TMEM178B: variants seen among roughly 807,000 people sequenced by gnomAD.
TMEM178B encodes the protein transmembrane protein 178B.
Under a neutral mutation model 31.0 loss-of-function variants are expected in TMEM178B, and 5 were observed. The ratio of observed to expected loss-of-function variants is 0.16; its 90% CI spans 0.08 to 0.34. The LOEUF (loss-of-function observed/expected upper bound fraction) is 0.34. Among genes scored for constraint, TMEM178B ranks in the 10% least tolerant of loss-of-function variants. The pLI, the probability that TMEM178B is intolerant of heterozygous loss-of-function variation, is 1.00. For synonymous variants in TMEM178B, 164 were observed against 164.0 expected (o/e 1.00, Z 0.00); for missense variants, 275 against 400.3 (o/e 0.69, Z 2.67).
At chr7:141,180,232 G>A (rs535719396) in intron 1 of TMEM178B, among the ~76,000 whole-genome samples, 1 of 152,216 alleles carries the variant, frequency 6.6e-6, no homozygotes, top group Admixed American at 6.5e-5. Context: ...TATAATTCCA[G>A]CACAGGCTGA....
chr7:141,230,190 A>T (rs1420905104), intron 2 of TMEM178B, among the ~76,000 whole-genome samples: 1 of 152,162 alleles, frequency 6.6e-6, no homozygotes, highest in Non-Finnish European at 1.5e-5. Context: ...TAAATCTTTG[A>T]TCATATTTCT....
chr7:141,510,709 A>AAG, the TMEM178B span, among the ~76,000 whole-genome samples: 2 of 134,954 alleles, frequency 1.5e-5, no homozygotes, highest in East Asian at 2.0e-4. Flanking sequence ...AAAAAAAAAA[A>AAG]AAAGAAAAAA....
chr7:141,489,391 C>T, the TMEM178B span, among the ~76,000 whole-genome samples: 1 of 152,214 alleles, frequency 6.6e-6, no homozygotes, highest in South Asian at 2.1e-4. Context: ...CTGCCAATAG[C>T]TAAGCTGCCG....
At chr7:141,180,148 G>A (rs1192957619) in intron 1 of TMEM178B, among the ~76,000 whole-genome samples, 1 of 152,288 alleles carries the variant, frequency 6.6e-6, no homozygotes, top group East Asian at 1.9e-4. Flanking sequence ...ATGGTAGAGG[G>A]GGAGAATTGA....
At chr7:141,205,977 A>G (rs1239241344) in intron 1 of TMEM178B, among the ~76,000 whole-genome samples, 1 of 152,198 alleles carries the variant, frequency 6.6e-6, no homozygotes, top group Non-Finnish European at 1.5e-5. Flanking sequence ...TCCTGGGGCT[A>G]CTGTGTGGGA....
chr7:141,213,498 G>A (rs554608915), intron 2 of TMEM178B, among the ~76,000 whole-genome samples: 1 of 152,292 alleles, frequency 6.6e-6, no homozygotes, highest in South Asian at 2.1e-4. Context: ...CTGTTGATTT[G>A]TCATGCATTC....
intron 1 of TMEM178B, among the ~76,000 whole-genome samples, chr7:141,188,472 C>T (rs946331314): frequency 1.1e-4 from 17 of 152,162 alleles, no homozygotes; most frequent in Non-Finnish European, 1.6e-4. Context: ...CGTAACTGCT[C>T]TTATTGGATG....
intron 2 of TMEM178B, among the ~76,000 whole-genome samples, chr7:141,319,175 G>A (rs914610069): frequency 2.0e-5 from 3 of 152,150 alleles, no homozygotes; most frequent in South Asian, 2.1e-4. Flanking sequence ...GGCTTTTAAC[G>A]ACCTGTCTCA....
rs77161957 is a variant in TMEM178B at position 141,388,543 on chromosome 7, A to G, written c.497-49065A>G. Among the ~76,000 whole-genome samples, 483 of 152,290 alleles carry G rather than the reference A, an allele frequency of 3.2e-3. 12 individuals carry two copies. The East Asian group carries it at 0.064, about 20-fold the overall frequency. ...TGAGGTTGTTTTGCTCCCCTCCCTC[A>G]GCCTCCACACCCATTCCTGCCCGTC... is the stretch of plus-strand genomic sequence containing the variant. On this transcript the variant is annotated intron_variant, in intron 2 of 3. Coordinates refer to ENST00000565468, the MANE Select transcript of TMEM178B (RefSeq NM_001195278.2).
chr7:141,205,820 G>A (rs1187251868), intron 1 of TMEM178B, among the ~76,000 whole-genome samples: 2 of 152,168 alleles, frequency 1.3e-5, no homozygotes, highest in African/African-American at 4.8e-5. Flanking sequence ...GCTGATACAT[G>A]TGGGAGAAAA....
rs565120110 is a variant in TMEM178B, at chr7:141,408,621, G to GATGAATGA, written c.497-28970_497-28963dup. On this transcript the variant is annotated intron_variant, in intron 2 of 3. Coordinates refer to ENST00000565468, the MANE Select transcript of TMEM178B (RefSeq NM_001195278.2). ...TGGAGCTTGCATATGTGAGTGAGTG[G>GATGAATGA]ATGAATGAATGAATGAATGAATGAG... 7.2e-5 allele frequency among the ~76,000 whole-genome samples: 11 copies of GATGAATGA among 152,186 alleles called. 1 individual carries two copies. The East Asian group carries it at 2.1e-3, about 29-fold the overall frequency.
intron 3 of TMEM178B, among the ~76,000 whole-genome samples, chr7:141,466,059 C>T (rs1476329968): frequency 1.3e-5 from 2 of 152,196 alleles, no homozygotes; most frequent in East Asian, 1.9e-4. Flanking sequence ...AATCCTTGCT[C>T]ATAACAGAAA....
At chr7:141,500,628 T>C in the TMEM178B span, among the ~76,000 whole-genome samples, 16 of 152,236 alleles carry the variant, frequency 1.1e-4, no homozygotes, top group African/African-American at 3.4e-4. Context: ...TTGTTTTTCC[T>C]GTGGGCCATT....
At chr7:141,389,217 A>C (rs540289531) in intron 2 of TMEM178B, among the ~76,000 whole-genome samples, 1 of 152,226 alleles carries the variant, frequency 6.6e-6, no homozygotes. Context: ...TACAGAATGC[A>C]TAGTAAAAAA....
chr7:141,091,354 A>G (rs1361810753), intron 1 of TMEM178B, among the ~76,000 whole-genome samples: 1 of 152,276 alleles, frequency 6.6e-6, no homozygotes, highest in South Asian at 2.1e-4. Context: ...GTCTCTTGTT[A>G]TATATATATT....
At chr7:141,355,644 T>C (rs759126546) in intron 2 of TMEM178B, among the ~76,000 whole-genome samples, 26 of 152,228 alleles carry the variant, frequency 1.7e-4, no homozygotes, top group Non-Finnish European at 3.1e-4. Context: ...GGGTTGTTTT[T>C]TCTGCAGAAG....
chr7:141,265,648 C>T (rs1276518294), intron 2 of TMEM178B, among the ~76,000 whole-genome samples: 1 of 152,116 alleles, frequency 6.6e-6, no homozygotes, highest in East Asian at 1.9e-4. Flanking sequence ...ATACACAAGG[C>T]AGTTAGGTGG....
intron 2 of TMEM178B, among the ~76,000 whole-genome samples, chr7:141,242,732 A>G (rs1263317023): frequency 6.6e-6 from 1 of 151,812 alleles, no homozygotes; most frequent in Non-Finnish European, 1.5e-5. Flanking sequence ...CAGTAGAGAC[A>G]GAGTTTCACC....
At chr7:141,320,514 A>G (rs575741836) in intron 2 of TMEM178B, among the ~76,000 whole-genome samples, 9 of 152,280 alleles carry the variant, frequency 5.9e-5, no homozygotes, top group Non-Finnish European at 1.3e-4. Flanking sequence ...TACAGGCCTC[A>G]GTGTCTGGCC....
Sources: allele counts gnomAD v4.1 joint callset (sites outside exome capture counted in the v4.1 genomes callset), GRCh38; gene constraint gnomAD v4.1.1; transcripts MANE v1.5; gene names NCBI Gene and HGNC (gene_info 2026-07-23, HGNC 2026-07-21).